NOL4: variants seen among roughly 807,000 people sequenced by gnomAD.
NOL4 encodes cancer/testis antigen 125.
Under a neutral mutation model 75.9 loss-of-function variants are expected in NOL4, and 17 were observed. The ratio of observed to expected loss-of-function variants is 0.22; its 90% confidence interval spans 0.15 to 0.34. NOL4 has a LOEUF of 0.34. NOL4 is among the 10% of genes least tolerant of loss of function. The pLI, the probability that NOL4 is intolerant of heterozygous loss-of-function variation, is 1.00. For missense variants in NOL4, 614 were observed against 793.5 expected (o/e 0.77, Z 2.72); for synonymous variants, 292 against 289.9 (o/e 1.01, Z -0.07).
intron 6 of NOL4, among the ~76,000 whole-genome samples, chr18:34,000,303 C>G (rs2073606278): frequency 6.6e-6 from 1 of 152,022 alleles, no homozygotes; most frequent in South Asian, 2.1e-4. Context: ...TAAAACACAA[C>G]CTTCTCTTTG....
At chr18:34,094,033 C>G (rs1298906979) in intron 4 of NOL4, among the ~76,000 whole-genome samples, 5 of 151,962 alleles carry the variant, frequency 3.3e-5, no homozygotes. Flanking sequence ...CAGAGCGAGA[C>G]TCGTCTCAAA....
chr18:34,167,264 T>A (rs1003022487), intron 1 of NOL4, among the ~76,000 whole-genome samples: 4 of 152,002 alleles, frequency 2.6e-5, no homozygotes, highest in Non-Finnish European at 4.4e-5. Context: ...CAATCCCTAA[T>A]GGATACCAAG....
intron 5 of NOL4, among the ~76,000 whole-genome samples, chr18:34,028,530 G>T (rs370568553): frequency 1.3e-5 from 2 of 152,186 alleles, no homozygotes; most frequent in Non-Finnish European, 2.9e-5. Context: ...CAAGGCAGGC[G>T]CCTGACCAAA....
chr18:34,166,755 AGGCCGGGCGCGGTGGCTC>A (rs2032394788), intron 1 of NOL4, among the ~76,000 whole-genome samples: 2 of 111,974 alleles, frequency 1.8e-5, no homozygotes, highest in Non-Finnish European at 2.0e-5. Context: ...AGTAAAAAAA[AGGCCGGGCGCGGTGGCTC>A]ACGCCTGTAA....
intron 2 of NOL4, among the ~76,000 whole-genome samples, chr18:34,114,727 C>T (rs1337278633): frequency 3.3e-5 from 5 of 152,040 alleles, no homozygotes; most frequent in East Asian, 1.9e-4. Context: ...AATGAATTGT[C>T]GTTGTTACAC....
intron 5 of NOL4, among the ~76,000 whole-genome samples, chr18:34,071,179 A>G (rs1261854358): frequency 1.3e-5 from 2 of 152,162 alleles, no homozygotes; most frequent in Non-Finnish European, 2.9e-5. Context: ...TACACAATGT[A>G]TACATGTATC....
chr18:33,862,292 C>T (rs1374380106), intron 10 of NOL4, among the ~76,000 whole-genome samples: 3 of 151,944 alleles, frequency 2.0e-5, no homozygotes, highest in African/African-American at 4.8e-5. Context: ...AAGACTTAAA[C>T]GTTAGACCTA....
intron 7 of NOL4, among the ~76,000 whole-genome samples, chr18:33,957,844 G>C (rs992683488): frequency 3.9e-5 from 6 of 152,098 alleles, no homozygotes; most frequent in Non-Finnish European, 8.8e-5. Flanking sequence ...TGATGAATAC[G>C]ACTGTTACAT....
intron 1 of NOL4, among the ~76,000 whole-genome samples, chr18:34,204,955 G>C (rs987002744): frequency 2.6e-5 from 4 of 152,040 alleles, no homozygotes; most frequent in Non-Finnish European, 4.4e-5. Context: ...CATATATTGA[G>C]AAAAATGTTG....
rs962291606 is a variant in NOL4 at position 34,200,195 on chromosome 18, C to T, written c.264+22795G>A. On this transcript the variant is annotated intron_variant, in intron 1 of 10. Coordinates refer to ENST00000261592, the MANE Select transcript of NOL4 (RefSeq NM_003787.5). ...CATTAGAAACTTCATTTTCAGCCAT[C>T]GCTTTTAGCAGTTTATAAACTGGAC... Among the ~76,000 whole-genome samples, 9 of 151,688 alleles carry T rather than the reference C, an allele frequency of 5.9e-5. No individual in the cohort carries two copies. The East Asian group carries it at 1.3e-3, about 23-fold the overall frequency.
At chr18:33,883,105 T>G in intron 10 of NOL4, 139 bp downstream of exon 10, 1 of 544,038 alleles carries the variant, frequency 1.8e-6, no homozygotes. Context: ...TCCCTAATGC[T>G]AGATGATGAG....
At chr18:34,194,426 G>GGAAGGAA (rs2035158342) in intron 1 of NOL4, among the ~76,000 whole-genome samples, 3 of 127,996 alleles carry the variant, frequency 2.3e-5, no homozygotes, top group Admixed American at 8.4e-5. Flanking sequence ...GAGGGAGGGA[G>GGAAGGAA]GGAAGGAAGG....
intron 9 of NOL4, among the ~76,000 whole-genome samples, chr18:33,936,987 A>T (rs2068099926): frequency 6.6e-6 from 1 of 152,068 alleles, no homozygotes; most frequent in South Asian, 2.1e-4. Flanking sequence ...TTACTAAATA[A>T]TAAATATATA....
chr18:34,050,837 A>G (rs1272144989), intron 5 of NOL4, among the ~76,000 whole-genome samples: 1 of 152,104 alleles, frequency 6.6e-6, no homozygotes, highest in African/African-American at 2.4e-5. Context: ...AGTTCTGAGT[A>G]AAAAGACTGA....
intron 1 of NOL4, among the ~76,000 whole-genome samples, chr18:34,176,106 G>A (rs2033524030): frequency 6.6e-6 from 1 of 151,954 alleles, no homozygotes; most frequent in Admixed American, 6.6e-5. Context: ...ACACTAGCTG[G>A]AGAATATTAA....
chr18:33,962,304 C>CA (rs1248724521), intron 6 of NOL4, among the ~76,000 whole-genome samples: 4 of 152,142 alleles, frequency 2.6e-5, no homozygotes, highest in African/African-American at 9.7e-5. Flanking sequence ...GCACAGCCAC[C>CA]AATCATTAGA....
chr18:34,144,404 T>C (rs910693623), intron 1 of NOL4, among the ~76,000 whole-genome samples: 2 of 152,068 alleles, frequency 1.3e-5, no homozygotes, highest in African/African-American at 4.8e-5. Flanking sequence ...ACTATTGACA[T>C]AAAAAGCTTC....
At chr18:33,967,466 A>G (rs573309368) in intron 6 of NOL4, among the ~76,000 whole-genome samples, 4 of 152,202 alleles carry the variant, frequency 2.6e-5, no homozygotes, top group Non-Finnish European at 5.9e-5. Context: ...AAAATTGACA[A>G]GTGGGACCCA....
At chr18:34,061,020 A>G (rs576265359) in intron 5 of NOL4, among the ~76,000 whole-genome samples, 1 of 152,198 alleles carries the variant, frequency 6.6e-6, no homozygotes, top group Non-Finnish European at 1.5e-5. Flanking sequence ...AGAAGATAGA[A>G]CTTCAAAATT....
Sources: allele counts gnomAD v4.1 joint callset (sites outside exome capture counted in the v4.1 genomes callset), GRCh38; gene constraint gnomAD v4.1.1; transcripts MANE v1.5; gene names NCBI Gene and HGNC (gene_info 2026-07-23, HGNC 2026-07-21).